The following PCNX2 variants were observed in gnomAD, a reference collection of about 807,000 sequenced individuals.
The protein encoded by PCNX2 is pecanex-like protein 2.
A neutral mutation model predicts 223.8 loss-of-function variants in PCNX2; 168 were observed. The ratio of observed to expected loss-of-function variants is 0.75; its 90% CI spans 0.66 to 0.85. The LOEUF (loss-of-function observed/expected upper bound fraction) is 0.85, where lower values mean the gene tolerates loss of function less well. Ranked by LOEUF, PCNX2 falls within the 40% of genes least tolerant of loss-of-function variation. The pLI, the probability that PCNX2 is intolerant of heterozygous loss-of-function variation, is 0.00. For missense variants in PCNX2, 2,507 were observed against 2,675.5 expected, an observed-to-expected ratio of 0.94 and a Z score of 1.39; for synonymous variants, 1,006 against 1,052.6, an observed-to-expected ratio of 0.96 and a Z score of 0.86.
rs1441500184 is a variant in PCNX2, at chr1:233,000,437, G to A, written c.5196C>T (p.Asp1732=). The part of the protein sequence containing the change: ...EKKVVICHEG[D]PAWRGAVLSN... ...ACAGCACTGCGCCCCGCCAGGCCGG[G>A]TCGCCCTCGTGGCAGATGACCACCT... The change falls in exon 30 of 34, where the codon GAC becomes GAT. Residue 1732 remains aspartate, a synonymous_variant. Coordinates refer to ENST00000258229, the MANE Select transcript of PCNX2 (RefSeq NM_014801.4). The surrounding 1 kb of genome is among the most constrained non-coding windows in gnomAD (Gnocchi z 4.6). 1 of 1,599,906 alleles carries A rather than the reference G, an allele frequency of 6.3e-7. No individual in the cohort carries two copies. Among genetic ancestry groups the A allele is most frequent in the African/African-American group, 1.3e-5 (1 of 74,678 alleles).
chr1:233,312,838 T>C, the PCNX2 span, among the ~76,000 whole-genome samples: 1 of 152,122 alleles, frequency 6.6e-6, no homozygotes, highest in Non-Finnish European at 1.5e-5. Context: ...AGTAAGACTA[T>C]TATTTATATT....
At chr1:233,306,594 G>T in the PCNX2 span, among the ~76,000 whole-genome samples, 11 of 152,272 alleles carry the variant, frequency 7.2e-5, no homozygotes, top group Admixed American at 7.2e-4. Context: ...ATTGGATTGG[G>T]AAATATACAT....
chr1:233,176,360 C>G (rs1265260718), intron 17 of PCNX2, among the ~76,000 whole-genome samples: 1 of 152,150 alleles, frequency 6.6e-6, no homozygotes, highest in East Asian at 1.9e-4. Context: ...CTCCTTCTTC[C>G]TTTTCTTCTC....
At chr1:233,316,344 C>T in the PCNX2 span, among the ~76,000 whole-genome samples, 2 of 152,158 alleles carry the variant, frequency 1.3e-5, no homozygotes, top group East Asian at 3.8e-4. Flanking sequence ...TTACTGTTAC[C>T]GTATCATCAC....
chr1:233,054,335 G>A lies in PCNX2; in HGVS notation c.4284C>T (p.Ala1428=). 1.9e-6 allele frequency: 3 copies of A among 1,613,906 alleles called. 1 individual carries two copies. In the South Asian group the frequency reaches 3.3e-5, roughly 18 times the overall value. ...CFILASDDLN[A]FVHLIEIGNG... is the part of the protein sequence containing the mutation. ...TTCCAATTTCAATCAGGTGAACAAA[G>A]GCATTGAGGTCATCTGAAGCCAAAA... is the stretch of plus-strand genomic sequence containing the variant. Residue 1428 remains alanine (A), a synonymous_variant, in exon 25 of 34, where the codon GCC becomes GCT. Transcript: ENST00000258229.
Position 233,258,540 on chromosome 1 carries a change from C to T in PCNX2, c.1322G>A (p.Gly441Glu). The T allele has an allele frequency of 1.9e-6, 3 of 1,614,006 alleles. No individual in the cohort carries two copies. The South Asian group carries it at 3.3e-5, about 18-fold the overall frequency. ...ITLDLPEGGG[G>E]GVPCPEGNGS... ...ATTGCCTTCGGGACAGGGAACACCT[C>T]CTCCCCCACCCTCAGGCAGGTCCAG... The change falls in exon 5 of 34, where the codon GGA becomes GAA. Residue 441 changes from glycine (G) to glutamate (E), a missense_variant. Transcript: ENST00000258229.
At chr1:233,067,365 CAAAAAAAAAAAAAAAAAAAAAAAAAAA>C (rs750823791) in intron 23 of PCNX2, among the ~76,000 whole-genome samples, 1 of 3,892 alleles carries the variant, frequency 2.6e-4, no homozygotes, top group East Asian at 8.6e-3. Flanking sequence ...AGAGCTTCAG[CAAAAAAAAAAAAAAAAAAAAAAAAAAA>C]AAAAAAAAAA....
intron 12 of PCNX2, among the ~76,000 whole-genome samples, chr1:233,216,627 C>T (rs957293219): frequency 6.6e-6 from 1 of 152,074 alleles, no homozygotes; most frequent in African/African-American, 2.4e-5. Flanking sequence ...TTATGGAAAA[C>T]AGTATGATTT....
At chr1:233,262,269 G>T in intron 2 of PCNX2, 104 bp from the exon 3 acceptor site, 1 of 1,380,214 alleles carries the variant, frequency 7.2e-7, no homozygotes, top group Non-Finnish European at 9.9e-7. Context: ...AGTCCATTTT[G>T]TTATATTCCT....
intron 10 of PCNX2, among the ~76,000 whole-genome samples, chr1:233,223,120 T>C (rs1046527733): frequency 1.3e-5 from 2 of 152,168 alleles, no homozygotes; most frequent in African/African-American, 2.4e-5. Flanking sequence ...CCTTCCTATG[T>C]AGCAGTGACC....
chr1:233,108,224 C>T (rs1159050797), intron 21 of PCNX2, among the ~76,000 whole-genome samples: 1 of 152,220 alleles, frequency 6.6e-6, no homozygotes, highest in Non-Finnish European at 1.5e-5. Flanking sequence ...CTACTGCAGA[C>T]TCACCCTAAA....
At chr1:233,049,389 T>A (rs1414861735) in intron 25 of PCNX2, among the ~76,000 whole-genome samples, 1 of 152,078 alleles carries the variant, frequency 6.6e-6, no homozygotes, top group Non-Finnish European at 1.5e-5. Context: ...AAAAACCACA[T>A]GATCATATCA....
chr1:233,054,352 A>G lies in PCNX2; in HGVS notation c.4267T>C (p.Ser1423Pro), dbSNP rs772487419. 1 of 1,613,974 alleles carries G rather than the reference A, an allele frequency of 6.2e-7. No homozygotes were observed. Among genetic ancestry groups the G allele is most frequent in the East Asian group, 2.2e-5 (1 of 44,874 alleles). The change falls in exon 25 of 34, where the codon TCA becomes CCA. Residue 1423 changes from serine (S) to proline (P), a missense_variant. Ser to Pro is a moderately conservative substitution (Grantham distance 74). Around this residue, in one of 3 missense-constraint regions of PCNX2, gnomAD observed 1,372 missense variants for 1,509.4 expected, o/e 0.91. Coordinates refer to ENST00000258229, the MANE Select transcript of PCNX2 (RefSeq NM_014801.4). ...YSSGDCFILA[S>P]DDLNAFVHLI... is the part of the protein sequence containing the mutation. The stretch of plus-strand genomic sequence containing the variant: ...TGAACAAAGGCATTGAGGTCATCTG[A>G]AGCCAAAATAAAGCAATCGCCAGAG...
chr1:233,209,558 T>C (rs1681708353), intron 12 of PCNX2, among the ~76,000 whole-genome samples: 1 of 152,220 alleles, frequency 6.6e-6, no homozygotes, highest in African/African-American at 2.4e-5. Flanking sequence ...AGTGATATGG[T>C]TTCAGATGTG....
At chr1:233,321,013 C>CTTTTTTTTTTTTTTTTTTTT in the PCNX2 span, among the ~76,000 whole-genome samples, 1 of 70,366 alleles carries the variant, frequency 1.4e-5, no homozygotes, top group Non-Finnish European at 2.5e-5. Flanking sequence ...AAAATGTCTT[C>CTTTTTTTTTTTTTTTTTTTT]TTTTTTTTTT....
intron 25 of PCNX2, among the ~76,000 whole-genome samples, chr1:233,040,959 A>G (rs1414998500): frequency 6.6e-6 from 1 of 152,124 alleles, no homozygotes; most frequent in African/African-American, 2.4e-5. Flanking sequence ...TAATCGTTCA[A>G]CTTCAACAAT....
chr1:233,249,947 A>G (rs954082639), intron 8 of PCNX2, among the ~76,000 whole-genome samples: 16 of 152,220 alleles, frequency 1.1e-4, no homozygotes, highest in Non-Finnish European at 1.2e-4. Flanking sequence ...GGAACACTTT[A>G]AACTTGGAAA....
intron 18 of PCNX2, among the ~76,000 whole-genome samples, 195 bp downstream of exon 18, chr1:233,161,076 A>T (rs932969387): frequency 6.6e-6 from 1 of 152,204 alleles, no homozygotes; most frequent in African/African-American, 2.4e-5. Context: ...ATCGAACCCT[A>T]TCTGTGATGT....
At chr1:233,050,808 A>C (rs923983598) in intron 25 of PCNX2, among the ~76,000 whole-genome samples, 6 of 152,174 alleles carry the variant, frequency 3.9e-5, no homozygotes, top group Non-Finnish European at 7.4e-5. Context: ...TTGCAAAAAA[A>C]CAAAAATGGG....
Sources: allele counts gnomAD v4.1 joint callset (sites outside exome capture counted in the v4.1 genomes callset), GRCh38; gene constraint gnomAD v4.1.1; regional missense constraint gnomAD v4.1.1; non-coding constraint Gnocchi (gnomAD v3.1); transcripts MANE v1.5; gene names NCBI Gene and HGNC (gene_info 2026-07-23, HGNC 2026-07-21).